Variants in ANKLE2 observed in about 807,000 individuals in gnomAD.
ANKLE2 encodes ankyrin repeat and LEM domain containing 2.
Under a neutral mutation model 84.2 loss-of-function variants are expected in ANKLE2, and 55 were observed. The ratio of observed to expected loss-of-function variants is 0.65; its 90% CI spans 0.53 to 0.82. The LOEUF is 0.82. Among genes scored for constraint, ANKLE2 ranks in the 40% least tolerant of loss-of-function variants. ANKLE2 has a pLI of 0.00. For missense variants in ANKLE2, 1,238 were observed against 1,201.9 expected, an observed-to-expected ratio of 1.03 and a Z score of -0.44; for synonymous variants, 551 against 486.1, an observed-to-expected ratio of 1.13 and a Z score of -1.76.
Position 132,727,140 on chromosome 12 carries a change from A to T in ANKLE2, c.*102T>A. 8.4e-7 allele frequency: 1 copy of T among 1,192,152 alleles called. No homozygotes were observed. The highest frequency in any genetic ancestry group is 1.1e-6 in the Non-Finnish European group (1 of 883,306). The allele number at this position is 1,192,152 out of a possible 1,614,324, so 73.8% of individuals were successfully genotyped here. A position where few individuals can be genotyped will look rare whatever the true frequency, so the allele number is the denominator to read the frequency against. On this transcript the variant is annotated 3_prime_UTR_variant, in exon 13 of 13. Transcript: ENST00000357997. ...TTCTCACACCCTCAAAGTGAGGAGT[A>T]ATAATTTAATCAGAATATATTCCTT...
At chr12:132,741,958 A>T (rs2044132644) in intron 6 of ANKLE2, 2 of 409,590 alleles carry the variant, frequency 4.9e-6, no homozygotes, top group Non-Finnish European at 9.7e-6. Flanking sequence ...CAGCCCTTGA[A>T]GAATTGCAGC....
intron 1 of ANKLE2, chr12:132,760,421 G>A (rs958993977): frequency 7.9e-5 from 12 of 152,154 alleles, no homozygotes; most frequent in African/African-American, 2.7e-4. Context: ...GCGTCTTCCT[G>A]GAGATACCAG....
rs567000812 is a variant in ANKLE2, at chr12:132,743,386, C to T, written c.1231-110G>A. The T allele has an allele frequency of 2.5e-4, 340 of 1,366,662 alleles. 1 individual carries two copies. The East Asian group carries it at 7.8e-3, about 31-fold the overall frequency. The allele number at this position is 1,366,662 out of a possible 1,614,324, so 84.7% of individuals were successfully genotyped here. A position where few individuals can be genotyped will look rare whatever the true frequency, so the allele number is the denominator to read the frequency against. ...ATTCATTCATTTATTTATTTTGAGA[C>T]GGAGTCTCACTGGCGTGATCTTGGC... On this transcript the variant is annotated intron_variant, in intron 5 of 12. Coordinates refer to ENST00000357997, the MANE Select transcript of ANKLE2 (RefSeq NM_015114.3). This position sits in a 1 kb window ranked among gnomAD's most constrained non-coding sequence, Gnocchi z 4.1.
chr12:132,727,540 G>A lies in ANKLE2; in HGVS notation c.2616-97C>T, dbSNP rs35235926. On this transcript the variant is annotated intron_variant, in intron 12 of 12. Coordinates refer to ENST00000357997, the MANE Select transcript of ANKLE2 (RefSeq NM_015114.3). ...AATGGCCCCAGACTCAGGCACATGC[G>A]CCCGGGCGGAGGAGAGGCACTGGTG... 168,956 of 1,373,968 alleles carry A rather than the reference G, an allele frequency of 0.12. 12,152 individuals are homozygous for A. The highest frequency in any genetic ancestry group is 0.15 in the South Asian group (11,588 of 76,394). The allele number at this position is 1,373,968 out of a possible 1,614,324, so 85.1% of individuals were successfully genotyped here. A position where few individuals can be genotyped will look rare whatever the true frequency, so the allele number is the denominator to read the frequency against.
At chr12:132,751,055 CATG>C (rs1210481248) in intron 2 of ANKLE2, 1 of 563,244 alleles carries the variant, frequency 1.8e-6, no homozygotes, top group African/African-American at 1.9e-5. Flanking sequence ...ATGCATGTAA[CATG>C]ATATATATTA....
At chr12:132,741,182 T>A (rs1271161606) in intron 7 of ANKLE2, among the ~76,000 whole-genome samples, 1 of 152,120 alleles carries the variant, frequency 6.6e-6, no homozygotes, top group Non-Finnish European at 1.5e-5. Flanking sequence ...AAAAAAGTTC[T>A]CTCACAGAAA....
intron 7 of ANKLE2, chr12:132,737,633 T>G (rs2044040037): frequency 6.6e-6 from 1 of 152,164 alleles, no homozygotes; most frequent in East Asian, 1.9e-4. Context: ...GAGAATCACT[T>G]GAACCTGGGA....
At chr12:132,756,753 C>T (rs1333170746) in intron 1 of ANKLE2, 1 of 151,666 alleles carries the variant, frequency 6.6e-6, no homozygotes, top group Non-Finnish European at 1.5e-5. Context: ...TGGTGAAACC[C>T]CATCTCTACT....
chr12:132,735,350 A>C (rs1158061156), intron 9 of ANKLE2, 56 bp downstream of exon 9: 1 of 1,484,174 alleles, frequency 6.7e-7, no homozygotes. Flanking sequence ...TTCTGTCATT[A>C]ATCAAAATGC....
At position 132,743,362 on chromosome 12, in the gene ANKLE2, T is replaced by A; in HGVS notation, c.1231-86A>T. ...GTGAAAATACATATTCATTCATTCATTCATTCATTTATTTATTTTGAGACG... is the reference window on the plus strand; with the variant it reads ...GTGAAAATACATATTCATTCATTCAATCATTCATTTATTTATTTTGAGACG... On this transcript the variant is annotated intron_variant, in intron 5 of 12. Transcript: ENST00000357997. The surrounding 1 kb of genome is among the most constrained non-coding windows in gnomAD (Gnocchi z 4.1). 1 of 1,434,474 alleles carries A rather than the reference T, an allele frequency of 7.0e-7. No homozygotes were observed. The highest frequency in any genetic ancestry group is 9.3e-7 in the Non-Finnish European group (1 of 1,075,520). 88.9% of individuals were successfully genotyped at this position (1,434,474 alleles called of 1,614,324 possible). A position where few individuals can be genotyped will look rare whatever the true frequency, so the allele number is the denominator to read the frequency against.
chr12:132,737,185 C>A, intron 7 of ANKLE2, 120 bp from the exon 8 acceptor site: 1 of 1,105,398 alleles, frequency 9.0e-7, no homozygotes, highest in Admixed American at 2.9e-5. Context: ...ATCCAACAGA[C>A]GGGGCAGAGG....
Position 132,726,859 on chromosome 12 carries a change from G to A in ANKLE2, c.*383C>T, listed in dbSNP as rs982345787. ...AAGGGACATCGGTGCTCACGCCTCC[G>A]CCAAGCCCCTCCTCATCCACAGCGT... On this transcript the variant is annotated 3_prime_UTR_variant, in exon 13 of 13. Coordinates refer to ENST00000357997, the MANE Select transcript of ANKLE2 (RefSeq NM_015114.3). 11 of 182,520 alleles carry A rather than the reference G, an allele frequency of 6.0e-5. No homozygotes were observed. The highest frequency in any genetic ancestry group is 5.1e-4 in the South Asian group (3 of 5,860). 11.3% of individuals were successfully genotyped at this position (182,520 alleles called of 1,614,324 possible).
chr12:132,751,043 A>G (rs754063713), intron 2 of ANKLE2, 194 bp from the exon 3 acceptor site: 12 of 586,706 alleles, frequency 2.0e-5, no homozygotes, highest in Non-Finnish European at 3.0e-5. Context: ...CAGTGTGCAT[A>G]TATGCATGTA....
chr12:132,742,790 CA>C (rs1224681583), intron 6 of ANKLE2, among the ~76,000 whole-genome samples: 4 of 234 alleles, frequency 0.017, no homozygotes, highest in Non-Finnish European at 0.027. Context: ...CTACCACCAT[CA>C]TCACCATCAC....
In ANKLE2 at chr12:132,734,453, A is replaced by C. The variant is rs200076688; in HGVS notation, c.1823T>G (p.Ile608Arg). ...RLEEYLTQQE[I>R]GKKAQQETGE... is the part of the protein sequence containing the mutation. ...TGTTTCTTGTTGAGCCTTTTTGCCT[A>C]TTTCCTGCTGTGTGAGATATTCTTC... The change falls in exon 10 of 13, where the codon ATA (isoleucine) becomes AGA (arginine). Residue 608 changes from isoleucine (I) to arginine (R), a missense_variant. Ile to Arg is a moderately conservative substitution (Grantham distance 97). Coordinates refer to ENST00000357997, the MANE Select transcript of ANKLE2 (RefSeq NM_015114.3). 1.2e-6 allele frequency: 2 copies of C among 1,613,950 alleles called. No homozygotes were observed. The highest frequency in any genetic ancestry group is 4.5e-5 in the East Asian group (2 of 44,862).
chr12:132,740,087 T>A (rs1023442884), intron 7 of ANKLE2, among the ~76,000 whole-genome samples: 2 of 152,240 alleles, frequency 1.3e-5, no homozygotes, highest in African/African-American at 4.8e-5. Flanking sequence ...CAGTGTGGTT[T>A]GAAAATCCGG....
chr12:132,737,059 T>C lies in ANKLE2; in HGVS notation c.1427A>G (p.Tyr476Cys), dbSNP rs2044026630. The C allele has an allele frequency of 1.3e-6, 2 of 1,595,922 alleles. No homozygotes were observed. The highest frequency in any genetic ancestry group is 2.2e-5 in the South Asian group (2 of 90,098). The stretch of plus-strand genomic sequence containing the variant: ...TTCCGCTCTCAGGAGGGGCACGTAG[T>C]AGTGGCCTGAGGGAGGAGACAGGCA... ...ERIREYLKGH[Y>C]YVPLLRAEET... The change falls in exon 8 of 13, where the codon TAC becomes TGC. Residue 476 changes from tyrosine (Y) to cysteine (C), a missense_variant. Tyr to Cys is a radical substitution (Grantham distance 194). Coordinates refer to ENST00000357997, the MANE Select transcript of ANKLE2 (RefSeq NM_015114.3).
intron 10 of ANKLE2, among the ~76,000 whole-genome samples, chr12:132,732,650 GTGC>G (rs1405485146): frequency 1.8e-5 from 2 of 112,472 alleles, no homozygotes; most frequent in Admixed American, 8.7e-5. Flanking sequence ...AGCGCTCTGC[GTGC>G]TGGTGTCTGA....
intron 1 of ANKLE2, 118 bp from the exon 2 acceptor site, chr12:132,755,251 C>T: frequency 9.4e-7 from 1 of 1,066,534 alleles, no homozygotes; most frequent in Non-Finnish European, 1.3e-6. Context: ...TCATTAAAAA[C>T]TTTTTTTCTT....
Sources: gnomAD v4.1 joint callset for allele counts (sites outside exome capture counted in the v4.1 genomes callset) on GRCh38, gnomAD v4.1.1 for gene constraint, Gnocchi (gnomAD v3.1) non-coding constraint, MANE v1.5 for transcripts, NCBI Gene and HGNC (gene_info 2026-07-23, HGNC 2026-07-21) for gene names.